The following DAB1 variants were observed in gnomAD, a reference collection of about 807,000 sequenced individuals.
DAB1 encodes disabled homolog 1.
In DAB1, 15 loss-of-function variants were observed where a neutral mutation model predicts 64.6. The observed-to-expected ratio is 0.23, with a 90% confidence interval of 0.16 to 0.36. The LOEUF is 0.36. Among genes scored for constraint, DAB1 ranks in the 10% least tolerant of loss-of-function variants. The probability of loss-of-function intolerance (pLI) is 1.00; values close to 1 mark genes in which losing one functional copy is unlikely to be tolerated. For missense variants in DAB1, 596 were observed against 706.7 expected (o/e 0.84, Z 1.78); for synonymous variants, 235 against 251.9 (o/e 0.93, Z 0.64).
chr1:57,857,354 TG>T (rs1482258722), intron 1 of DAB1, among the ~76,000 whole-genome samples: 1 of 152,192 alleles, frequency 6.6e-6, no homozygotes, highest in Non-Finnish European at 1.5e-5. Context: ...CACTGGCATC[TG>T]GAGAAGATTC....
chr1:58,317,044 G>A (rs1423203894), intron 4 of DAB1, among the ~76,000 whole-genome samples: 1 of 152,186 alleles, frequency 6.6e-6, no homozygotes, highest in Non-Finnish European at 1.5e-5. Flanking sequence ...ATTCTTCTGT[G>A]CTTAGCAATA....
chr1:56,998,890 A>G (rs1645737063), intron 14 of DAB1, among the ~76,000 whole-genome samples: 1 of 152,136 alleles, frequency 6.6e-6, no homozygotes, highest in Non-Finnish European at 1.5e-5. Context: ...GTTCGGCCCT[A>G]TTTAAACCCC....
chr1:57,874,426 C>T (rs1644008539), intron 1 of DAB1: 1 of 152,202 alleles, frequency 6.6e-6, no homozygotes, highest in African/African-American at 2.4e-5. Context: ...GAATGAGCAT[C>T]ATCCCTGATG....
At chr1:57,882,121 A>G (rs781076232) in intron 1 of DAB1, among the ~76,000 whole-genome samples, 12 of 152,208 alleles carry the variant, frequency 7.9e-5, no homozygotes, top group Non-Finnish European at 1.5e-4. Flanking sequence ...AAGAATAGGA[A>G]GACCCAGAAT....
At chr1:57,489,808 A>T (rs559289667) in intron 7 of DAB1, among the ~76,000 whole-genome samples, 1 of 152,334 alleles carries the variant, frequency 6.6e-6, no homozygotes, top group South Asian at 2.1e-4. Flanking sequence ...TGAAGGTATG[A>T]CTCATAAACT....
chr1:58,325,252 C>T (rs1477856090), intron 4 of DAB1, among the ~76,000 whole-genome samples: 1 of 152,168 alleles, frequency 6.6e-6, no homozygotes, highest in Non-Finnish European at 1.5e-5. Flanking sequence ...AATGGTTTAC[C>T]CCATGGGGGC....
intron 3 of DAB1, among the ~76,000 whole-genome samples, chr1:58,499,927 T>C (rs1645879061): frequency 6.6e-6 from 1 of 152,010 alleles, no homozygotes; most frequent in Non-Finnish European, 1.5e-5. Flanking sequence ...AAACATCAAC[T>C]ACTTATTCAC....
chr1:57,309,114 T>A (rs1674447315), intron 1 of DAB1, among the ~76,000 whole-genome samples: 1 of 151,580 alleles, frequency 6.6e-6, no homozygotes, highest in African/African-American at 2.4e-5. Flanking sequence ...CCAAGGATAT[T>A]CTTCTTTTTC....
At chr1:57,180,985 G>T (rs1662865576) in intron 2 of DAB1, among the ~76,000 whole-genome samples, 1 of 152,138 alleles carries the variant, frequency 6.6e-6, no homozygotes, top group African/African-American at 2.4e-5. Context: ...TAAGGCTCCT[G>T]ATTTGTGGCA....
At chr1:57,953,259 C>T (rs988690818) in intron 5 of DAB1, among the ~76,000 whole-genome samples, 1 of 152,134 alleles carries the variant, frequency 6.6e-6, no homozygotes, top group Non-Finnish European at 1.5e-5. Flanking sequence ...TTCTGGGAGG[C>T]AAGAATGTAT....
At chr1:57,053,629 C>T (rs1649410742) in intron 9 of DAB1, among the ~76,000 whole-genome samples, 1 of 135,538 alleles carries the variant, frequency 7.4e-6, no homozygotes, top group African/African-American at 2.8e-5. Context: ...ACTACTATGC[C>T]AACCATCTAA....
At chr1:58,077,124 T>A (rs1649701915) in intron 5 of DAB1, among the ~76,000 whole-genome samples, 1 of 151,856 alleles carries the variant, frequency 6.6e-6, no homozygotes, top group Non-Finnish European at 1.5e-5. Context: ...CTATAGGGAA[T>A]AATTATAATA....
intron 1 of DAB1, among the ~76,000 whole-genome samples, chr1:57,388,088 C>T (rs1682036054): frequency 6.6e-6 from 1 of 152,220 alleles, no homozygotes; most frequent in Non-Finnish European, 1.5e-5. Context: ...CTTTTTCACT[C>T]ATGCAGTTAA....
chr1:57,521,837 T>C (rs1194778686), intron 7 of DAB1, among the ~76,000 whole-genome samples: 1 of 151,982 alleles, frequency 6.6e-6, no homozygotes, highest in Non-Finnish European at 1.5e-5. Context: ...CGGCCGGGCG[T>C]GGTGGCTCAT....
rs146338260 is a variant in DAB1 at position 57,678,126 on chromosome 1, G to A, written n.552-28461C>T. 4.6e-5 allele frequency among the ~76,000 whole-genome samples: 7 copies of A among 152,298 alleles called. No homozygotes were observed. In the East Asian group the frequency reaches 1.2e-3, roughly 25 times the overall value. ...CCACAGACATGAAACCTAGAAGGGG[G>A]AGGAGACTCCAGGATTCATAGAAAG... On this transcript the variant is annotated intron_variant and non_coding_transcript_variant, in intron 6 of 20. Coordinates refer to the DAB1 transcript ENST00000485760.
At chr1:57,081,472 G>T in intron 4 of DAB1, among the ~76,000 whole-genome samples, 1 of 152,172 alleles carries the variant, frequency 6.6e-6, no homozygotes, top group Non-Finnish European at 1.5e-5. Context: ...ATCAGAAAAA[G>T]AAAAGAGCTA....
In DAB1 at chr1:57,776,190, T is replaced by C. The variant is rs1569645142; in HGVS notation, n.551+107809A>G. Reference sequence around the variant, plus strand: ...AAATGTTCCAAAACCTGAAACTTTTTCAGTGCCAACATGACACTCAGAGGA... The same window carrying C: ...AAATGTTCCAAAACCTGAAACTTTTCCAGTGCCAACATGACACTCAGAGGA... On this transcript the variant is annotated intron_variant and non_coding_transcript_variant, in intron 6 of 20. Coordinates refer to the DAB1 transcript ENST00000485760. Among the ~76,000 whole-genome samples the C allele has an allele frequency of 2.0e-5, 3 of 151,876 alleles. No individual in the cohort carries two copies. The South Asian group carries it at 6.2e-4, about 31-fold the overall frequency.
chr1:57,452,589 G>T (rs759429232), intron 7 of DAB1, among the ~76,000 whole-genome samples: 1 of 152,106 alleles, frequency 6.6e-6, no homozygotes, highest in Non-Finnish European at 1.5e-5. Flanking sequence ...AAGTGGTAGT[G>T]GTGCTGGTGA....
intron 14 of DAB1, among the ~76,000 whole-genome samples, chr1:56,999,664 C>T (rs80111401): frequency 0.026 from 3,922 of 152,192 alleles, 173 homozygotes; most frequent in African/African-American, 0.089. Flanking sequence ...GTTGTACTGG[C>T]CCATCATTGT....
Sources: gnomAD v4.1 joint callset for allele counts (sites outside exome capture counted in the v4.1 genomes callset) on GRCh38, gnomAD v4.1.1 for gene constraint, MANE v1.5 for transcripts, NCBI Gene and HGNC (gene_info 2026-07-23, HGNC 2026-07-21) for gene names.